LMBRD2: variants seen among roughly 807,000 people sequenced by gnomAD.
LMBRD2 encodes the protein G protein-coupled receptor-associated protein LMBRD2.
LMBRD2 carries 55 observed loss-of-function variants against 94.4 expected under a neutral mutation model. That is an observed-to-expected ratio of 0.58 (90% CI 0.47 to 0.73). LMBRD2 has a LOEUF of 0.73. Among genes scored for constraint, LMBRD2 ranks in the 30% least tolerant of loss-of-function variants. The probability of loss-of-function intolerance (pLI) is 0.00; values close to 1 mark genes in which losing one functional copy is unlikely to be tolerated. For missense variants in LMBRD2, 640 were observed against 831.9 expected (o/e 0.77, Z 2.84); for synonymous variants, 246 against 272.4 (o/e 0.90, Z 0.95).
intron 6 of LMBRD2, among the ~76,000 whole-genome samples, chr5:36,124,816 A>G (rs1743972311): frequency 6.6e-6 from 1 of 152,150 alleles, no homozygotes; most frequent in South Asian, 2.1e-4. Flanking sequence ...TGGGAGGCTG[A>G]GACAGGTGGA....
In LMBRD2 at chr5:36,115,053, T is replaced by G; in HGVS notation, c.1504A>C (p.Ile502Leu). The G allele has an allele frequency of 6.2e-7, 1 of 1,611,862 alleles. No homozygotes were observed. Among genetic ancestry groups the G allele is most frequent in the South Asian group, 1.1e-5 (1 of 90,926 alleles). Residue 502 changes from isoleucine to leucine, a missense_variant, in exon 12 of 18, where the codon ATC becomes CTC. By Grantham distance (5) the Ile-to-Leu change is conservative (BLOSUM62 2). This residue lies in a region of LMBRD2 where 457 missense variants were observed against 642.8 expected (regional missense o/e 0.71). Transcript: ENST00000296603. ...GTTGGTTGAGTATTCTTGTGAGAGA[T>G]AGATGAATCCATATGGGTCAAACCC... ...FLGLTHMDSSISHKNTQPTAY... is the reference protein window; with the variant it reads ...FLGLTHMDSSLSHKNTQPTAY...
In LMBRD2 at chr5:36,099,248, C is replaced by T. The variant is rs1743300044; in HGVS notation, c.*4798G>A. 1 of 151,936 alleles carries T rather than the reference C, an allele frequency of 6.6e-6. No individual in the cohort carries two copies. The highest frequency in any genetic ancestry group is 6.6e-5 in the Admixed American group (1 of 15,232). 9.4% of individuals were successfully genotyped at this position (151,936 alleles called of 1,614,324 possible). On this transcript the variant is annotated 3_prime_UTR_variant, in exon 18 of 18. Coordinates refer to ENST00000296603, the MANE Select transcript of LMBRD2 (RefSeq NM_001007527.2). ...TTAAAAGCAATACTACAATTAGTTA[C>T]TTACAAAAACATTTATAAAAATTAA...
rs765411473 is a variant in LMBRD2 at position 36,105,120 on chromosome 5, C to A, written c.1975G>T (p.Asp659Tyr). 6.2e-7 allele frequency: 1 copy of A among 1,612,970 alleles called. No individual in the cohort carries two copies. The highest frequency in any genetic ancestry group is 8.5e-7 in the Non-Finnish European group (1 of 1,179,230). The change falls in exon 17 of 18, where the codon GAT (aspartate) becomes TAT (tyrosine). Residue 659 changes from aspartate (D) to tyrosine (Y), a missense_variant. This residue lies in a region of LMBRD2 where 183 missense variants were observed against 189.1 expected (regional missense o/e 0.97). Coordinates refer to ENST00000296603, the MANE Select transcript of LMBRD2 (RefSeq NM_001007527.2). ...IELLQDAEPLDFNAETFTDDP... is the reference protein window; with the variant it reads ...IELLQDAEPLYFNAETFTDDP... ...TCAGTGAATGTTTCTGCATTAAAATCCAAAGGTTCTGCATCTTGGAGAAGT... is the reference window on the plus strand; with the variant it reads ...TCAGTGAATGTTTCTGCATTAAAATACAAAGGTTCTGCATCTTGGAGAAGT...
chr5:36,138,185 C>T (rs1009909202), intron 4 of LMBRD2, among the ~76,000 whole-genome samples: 5 of 151,928 alleles, frequency 3.3e-5, no homozygotes, highest in African/African-American at 7.3e-5. Context: ...AATCAAATGC[C>T]GCCAAGAGGT....
In LMBRD2 at chr5:36,136,472, A is replaced by C. The variant is rs1744274441; in HGVS notation, c.584T>G (p.Leu195Arg). The change falls in exon 6 of 18, where the codon CTG becomes CGG. Residue 195 changes from leucine (L) to arginine (R), a missense_variant. By Grantham distance (102) the Leu-to-Arg change is moderately radical. Transcript: ENST00000296603. ...IGIAAANTWG[L>R]FLLVLLLGYG... ...CCCCAACAACAACACAAGAAGAAACAGACCCCATGTATTTGCAGCAGCTAT... is the reference window on the plus strand; with the variant it reads ...CCCCAACAACAACACAAGAAGAAACCGACCCCATGTATTTGCAGCAGCTAT... The C allele has an allele frequency of 6.2e-7, 1 of 1,613,958 alleles. No homozygotes were observed. The highest frequency in any genetic ancestry group is 1.7e-5 in the Admixed American group (1 of 59,994).
At position 36,142,586 on chromosome 5, in the gene LMBRD2, C is replaced by T; in HGVS notation, c.188G>A (p.Arg63Gln). The change falls in exon 3 of 18, where the codon CGG (arginine) becomes CAG (glutamine). Residue 63 changes from arginine (R) to glutamine (Q), a missense_variant. Physicochemically the swap from Arg to Gln is conservative, Grantham distance 43. This residue lies in a region of LMBRD2 where 457 missense variants were observed against 642.8 expected (regional missense o/e 0.71). Coordinates refer to ENST00000296603, the MANE Select transcript of LMBRD2 (RefSeq NM_001007527.2). ...TGAATTTGCAGCAGCATGCTTGCACCGGTTGTATATTGTCTAAAGCAACGA... is the reference window on the plus strand; with the variant it reads ...TGAATTTGCAGCAGCATGCTTGCACTGGTTGTATATTGTCTAAAGCAACGA... ...PLDVSTTIYN[R>Q]CKHAAANSSP... The T allele has an allele frequency of 1.2e-6, 2 of 1,604,054 alleles. No individual in the cohort carries two copies. Among genetic ancestry groups the T allele is most frequent in the Non-Finnish European group, 1.7e-6 (2 of 1,170,930 alleles).
At chr5:36,150,020 T>C (rs1744651185) in intron 1 of LMBRD2, among the ~76,000 whole-genome samples, 1 of 152,254 alleles carries the variant, frequency 6.6e-6, no homozygotes, top group Non-Finnish European at 1.5e-5. Flanking sequence ...TCGTCTTCAA[T>C]GGACACAATT....
Position 36,137,332 on chromosome 5 carries a change from G to T in LMBRD2, c.478C>A (p.Leu160Met). Reference sequence around the variant, plus strand: ...TAAATTAAAAATGCTCCAAAAATCAGCAAATAGGTGCCATAGTAGATTGCA... The same window carrying T: ...TAAATTAAAAATGCTCCAAAAATCATCAAATAGGTGCCATAGTAGATTGCA... ...ENAIYYGTYL[L>M]IFGAFLIYVA... Residue 160 changes from leucine to methionine, a missense_variant, in exon 5 of 18, where the codon CTG becomes ATG. Coordinates refer to ENST00000296603, the MANE Select transcript of LMBRD2 (RefSeq NM_001007527.2). The T allele has an allele frequency of 6.2e-7, 1 of 1,602,474 alleles. No individual in the cohort carries two copies. The highest frequency in any genetic ancestry group is 8.5e-7 in the Non-Finnish European group (1 of 1,172,166).
intron 7 of LMBRD2, among the ~76,000 whole-genome samples, 184 bp from the exon 8 acceptor site, chr5:36,123,145 C>T (rs1561516829): frequency 6.6e-6 from 1 of 151,990 alleles, no homozygotes; most frequent in Non-Finnish European, 1.5e-5. Context: ...AAAAGATGTA[C>T]TGAGTTTCTT....
intron 1 of LMBRD2, among the ~76,000 whole-genome samples, chr5:36,150,871 C>G (rs925966855): frequency 6.6e-6 from 1 of 152,230 alleles, no homozygotes; most frequent in Non-Finnish European, 1.5e-5. Flanking sequence ...TTTAATTTCA[C>G]TACAGAGCGA....
intron 4 of LMBRD2, among the ~76,000 whole-genome samples, chr5:36,137,745 G>A (rs189400212): frequency 8.0e-4 from 122 of 152,256 alleles, no homozygotes; most frequent in African/African-American, 2.8e-3. Flanking sequence ...GATAAAAGGG[G>A]AACAAAATTG....
intron 11 of LMBRD2, among the ~76,000 whole-genome samples, chr5:36,115,412 A>G (rs1242178401): frequency 6.6e-6 from 1 of 152,138 alleles, no homozygotes; most frequent in Non-Finnish European, 1.5e-5. Flanking sequence ...CATCTCCTAC[A>G]ACTAAGCCAT....
At chr5:36,120,319 G>T (rs886557277) in intron 9 of LMBRD2, among the ~76,000 whole-genome samples, 1 of 151,880 alleles carries the variant, frequency 6.6e-6, no homozygotes, top group Non-Finnish European at 1.5e-5. Context: ...CTGGAGTGCA[G>T]TGGCACAATC....
rs1743288515 is a variant in LMBRD2 at position 36,098,466 on chromosome 5, A to C, written c.*5580T>G. ...AAACATTTGTCATATTTGCTAATAAATTGATAAGGAACAAAGAACGCCTGA... is the reference window on the plus strand; with the variant it reads ...AAACATTTGTCATATTTGCTAATAACTTGATAAGGAACAAAGAACGCCTGA... On this transcript the variant is annotated 3_prime_UTR_variant, in exon 18 of 18. Coordinates refer to ENST00000296603, the MANE Select transcript of LMBRD2 (RefSeq NM_001007527.2). The C allele has an allele frequency of 6.6e-6, 1 of 152,076 alleles. No homozygotes were observed. The highest frequency in any genetic ancestry group is 1.5e-5 in the Non-Finnish European group (1 of 67,938). The allele number at this position is 152,076 out of a possible 1,614,324, so 9.4% of individuals were successfully genotyped here.
rs756328573 is a variant in LMBRD2, at chr5:36,142,578, G to T, written c.196C>A (p.His66Asn). The T allele has an allele frequency of 2.5e-6, 4 of 1,608,102 alleles. No homozygotes were observed. The highest frequency in any genetic ancestry group is 2.2e-5 in the South Asian group (2 of 90,956). Residue 66 changes from histidine (H) to asparagine (N), a missense_variant, in exon 3 of 18, where the codon CAT becomes AAT. Transcript: ENST00000296603. Reference sequence around the variant, plus strand: ...GGAGGGCTTGAATTTGCAGCAGCATGCTTGCACCGGTTGTATATTGTCTAA... The same window carrying T: ...GGAGGGCTTGAATTTGCAGCAGCATTCTTGCACCGGTTGTATATTGTCTAA... ...VSTTIYNRCK[H>N]AAANSSPPEN... is the part of the protein sequence containing the mutation.
Position 36,100,719 on chromosome 5 carries a change from C to A in LMBRD2, c.*3327G>T, listed in dbSNP as rs961707090. ...ATACTTGTAATTTTTAGGCATAATC[C>A]ACTCAAATCACAAGTAAGAAACTCA... On this transcript the variant is annotated 3_prime_UTR_variant, in exon 18 of 18. Transcript: ENST00000296603. The A allele has an allele frequency of 1.1e-4, 17 of 151,994 alleles. No individual in the cohort carries two copies. The highest frequency in any genetic ancestry group is 7.4e-5 in the Non-Finnish European group (5 of 67,934). 9.4% of individuals were successfully genotyped at this position (151,994 alleles called of 1,614,324 possible).
intron 9 of LMBRD2, among the ~76,000 whole-genome samples, chr5:36,119,662 G>A (rs181870255): frequency 1.4e-3 from 209 of 152,138 alleles, no homozygotes; most frequent in Middle Eastern, 6.8e-3. Flanking sequence ...GCTTCAAGTG[G>A]GTCCTCAGTA....
At position 36,108,654 on chromosome 5, in the gene LMBRD2, C is replaced by T. The variant is rs1202418747; in HGVS notation, c.1792-15G>A. 1 of 1,245,924 alleles carries T rather than the reference C, an allele frequency of 8.0e-7. No homozygotes were observed. Among genetic ancestry groups the T allele is most frequent in the South Asian group, 1.5e-5 (1 of 67,404 alleles). 77.2% of individuals were successfully genotyped at this position (1,245,924 alleles called of 1,614,324 possible). A position where few individuals can be genotyped will look rare whatever the true frequency, so the allele number is the denominator to read the frequency against. ...TCTTTCCATTCCTAGAAAAGAAGCA[C>T]AAATAATCATATAATAGAACAGAAA... On this transcript the variant is annotated splice_polypyrimidine_tract_variant and intron_variant, in intron 15 of 17. Coordinates refer to ENST00000296603, the MANE Select transcript of LMBRD2 (RefSeq NM_001007527.2).
chr5:36,131,184 T>C (rs112538183), intron 6 of LMBRD2, among the ~76,000 whole-genome samples: 17 of 152,188 alleles, frequency 1.1e-4, no homozygotes, highest in African/African-American at 3.9e-4. Flanking sequence ...GTTTGACATA[T>C]GCAAATCAAT....
Sources: gnomAD v4.1 joint callset for allele counts (sites outside exome capture counted in the v4.1 genomes callset) on GRCh38, gnomAD v4.1.1 for gene constraint, gnomAD v4.1.1 regional missense constraint, MANE v1.5 for transcripts, NCBI Gene and HGNC (gene_info 2026-07-23, HGNC 2026-07-21) for gene names.